The following AOX1 variants were observed in gnomAD, a reference collection of about 807,000 sequenced individuals.
AOX1 encodes the protein aldehyde oxidase 1, also known as aldehyde oxidase.
Under a neutral mutation model 169.5 loss-of-function variants are expected in AOX1, and 153 were observed. The observed-to-expected ratio is 0.90, with a 90% CI of 0.79 to 1.03. The LOEUF is 1.03. Ranked by LOEUF, AOX1 falls within the 50% of genes least tolerant of loss-of-function variation. AOX1 has a pLI of 0.00. For missense variants in AOX1, 1,656 were observed against 1,663.9 expected, an observed-to-expected ratio of 1.00 and a Z score of 0.08; for synonymous variants, 562 against 581.9, an observed-to-expected ratio of 0.97 and a Z score of 0.49.
At chr2:200,647,810 G>T (rs993094039) in intron 25 of AOX1, among the ~76,000 whole-genome samples, 8 of 152,050 alleles carry the variant, frequency 5.3e-5, no homozygotes, top group Non-Finnish European at 1.2e-4. Context: ...GTCTTTGTTG[G>T]ATTGGGTTAA....
chr2:200,652,161 G>T (rs192080577), intron 26 of AOX1, among the ~76,000 whole-genome samples: 1 of 152,118 alleles, frequency 6.6e-6, no homozygotes, highest in Non-Finnish European at 1.5e-5. Context: ...AGGAAAAGTG[G>T]GTAGGAAGGT....
chr2:200,590,318 G>C (rs1202848226), intron 1 of AOX1, among the ~76,000 whole-genome samples: 1 of 152,138 alleles, frequency 6.6e-6, no homozygotes, highest in Non-Finnish European at 1.5e-5. Flanking sequence ...CAGTGATACA[G>C]AGGGGCAGAT....
chr2:200,609,233 A>T (rs1278746244), intron 11 of AOX1, 88 bp from the exon 12 acceptor site: 5 of 1,589,550 alleles, frequency 3.1e-6, no homozygotes, highest in South Asian at 2.2e-5. Flanking sequence ...GACAAAAAAA[A>T]TAGTTCTCCA....
chr2:200,591,671 G>A (rs369387409), intron 1 of AOX1, among the ~76,000 whole-genome samples: 45 of 152,286 alleles, frequency 3.0e-4, no homozygotes, highest in East Asian at 2.9e-3. Context: ...ATTTTAACAA[G>A]CATCTCCATG....
intron 27 of AOX1, among the ~76,000 whole-genome samples, chr2:200,657,190 A>ATATATATATTTT: frequency 8.0e-5 from 5 of 62,882 alleles, no homozygotes; most frequent in African/African-American, 7.9e-5. Flanking sequence ...ATATATATAT[A>ATATATATATTTT]TTTTTTTTTT....
At chr2:200,657,053 G>A (rs1574957374) in intron 27 of AOX1, 116 bp downstream of exon 27, 2 of 633,486 alleles carry the variant, frequency 3.2e-6, no homozygotes, top group Non-Finnish European at 4.7e-6. Flanking sequence ...GCTGGGTGAG[G>A]TGGCTCATGC....
intron 20 of AOX1, among the ~76,000 whole-genome samples, chr2:200,631,260 CTAAGAGTTTT>C (rs1489752782): frequency 2.0e-5 from 3 of 152,164 alleles, no homozygotes; most frequent in Non-Finnish European, 4.4e-5. Flanking sequence ...AGGATGAAAT[CTAAGAGTTTT>C]CCCAACTCCA....
chr2:200,615,096 C>T (rs1371238507), intron 15 of AOX1, among the ~76,000 whole-genome samples: 1 of 152,046 alleles, frequency 6.6e-6, no homozygotes, highest in Admixed American at 6.6e-5. Context: ...GCCTCAACTT[C>T]CTGGACTCAA....
Position 200,625,867 on chromosome 2 carries a change from A to C in AOX1, c.2125-1486A>C, listed in dbSNP as rs553740651. ...ATCAAAATAGAACAAAAACAAATAT[A>C]TCTCTGTCACTATCACAAAGATTTA... On this transcript the variant is annotated intron_variant, in intron 19 of 34. Transcript: ENST00000374700. Among the ~76,000 whole-genome samples the C allele has an allele frequency of 1.9e-4, 29 of 152,344 alleles. 1 individual carries two copies. Among genetic ancestry groups the C allele is most frequent in the African/African-American group, 7.0e-4 (29 of 41,582 alleles).
chr2:200,597,299 A>G lies in AOX1; in HGVS notation c.201-98A>G, dbSNP rs191895294. On this transcript the variant is annotated intron_variant, in intron 3 of 34. Coordinates refer to ENST00000374700, the MANE Select transcript of AOX1 (RefSeq NM_001159.4). ...GTGTAAAACCTGGGTACATTATACAAAAACCTGCCACAGTGGAGAAGCTCA... is the reference window on the plus strand; with the variant it reads ...GTGTAAAACCTGGGTACATTATACAGAAACCTGCCACAGTGGAGAAGCTCA... The G allele has an allele frequency of 5.4e-5, 43 of 798,244 alleles. No homozygotes were observed. The East Asian group carries it at 1.1e-3, about 21-fold the overall frequency. The allele number at this position is 798,244 out of a possible 1,614,324, so 49.4% of individuals were successfully genotyped here.
intron 21 of AOX1, 37 bp from the exon 22 acceptor site, chr2:200,636,874 G>A: frequency 6.3e-7 from 1 of 1,593,172 alleles, no homozygotes; most frequent in South Asian, 1.1e-5. Flanking sequence ...CCTTGCTGAA[G>A]ATGGATCAGA....
At chr2:200,632,754 T>C (rs1174992188) in intron 20 of AOX1, among the ~76,000 whole-genome samples, 1 of 152,186 alleles carries the variant, frequency 6.6e-6, no homozygotes, top group Non-Finnish European at 1.5e-5. Flanking sequence ...TTCCCTTTCA[T>C]TGTTGAAAGA....
downstream of AOX1, among the ~76,000 whole-genome samples, chr2:200,677,353 G>T (rs889122756): frequency 6.6e-6 from 1 of 152,130 alleles, no homozygotes; most frequent in African/African-American, 2.4e-5. Flanking sequence ...ACCACATTTT[G>T]TAATTGCACC....
intron 27 of AOX1, among the ~76,000 whole-genome samples, chr2:200,657,182 A>ATTTTTT (rs1559258479): frequency 1.5e-5 from 1 of 66,520 alleles, no homozygotes; most frequent in African/African-American, 6.1e-5. Flanking sequence ...ATATATATAT[A>ATTTTTT]TATATATATT....
intron 14 of AOX1, 82 bp from the exon 15 acceptor site, chr2:200,613,722 T>C (rs2034692265): frequency 1.5e-6 from 2 of 1,343,850 alleles, no homozygotes; most frequent in Middle Eastern, 2.7e-4. Flanking sequence ...TATTAAACTA[T>C]GGCTATTTGT....
chr2:200,641,026 G>A, intron 23 of AOX1, 72 bp from the exon 24 acceptor site: 1 of 1,011,064 alleles, frequency 9.9e-7, no homozygotes, highest in African/African-American at 1.6e-5. Flanking sequence ...TATGTGTGGA[G>A]GGTTTGCAAA....
At chr2:200,598,384 A>G (rs2034333084) in intron 4 of AOX1, among the ~76,000 whole-genome samples, 1 of 152,164 alleles carries the variant, frequency 6.6e-6, no homozygotes, top group Admixed American at 6.5e-5. Flanking sequence ...ACCTTGTTAG[A>G]GTTTTAGACT....
chr2:200,624,292 A>C (rs1424611907), intron 19 of AOX1, among the ~76,000 whole-genome samples: 1 of 152,244 alleles, frequency 6.6e-6, no homozygotes, highest in Non-Finnish European at 1.5e-5. Flanking sequence ...CATTCTAAGC[A>C]CAAATCCTGA....
intron 14 of AOX1, 61 bp downstream of exon 14, chr2:200,612,854 A>T: frequency 7.2e-7 from 1 of 1,396,410 alleles, no homozygotes; most frequent in South Asian, 1.4e-5. Flanking sequence ...GTATTAGAGG[A>T]GCCCTTTTTG....
Sources: gnomAD v4.1 joint callset for allele counts (sites outside exome capture counted in the v4.1 genomes callset) on GRCh38, gnomAD v4.1.1 for gene constraint, MANE v1.5 for transcripts, NCBI Gene and HGNC (gene_info 2026-07-23, HGNC 2026-07-21) for gene names.